FGFR2: variants seen among roughly 807,000 people sequenced by gnomAD.
FGFR2 encodes the protein fibroblast growth factor receptor 2, also known as BEK fibroblast growth factor receptor.
Under a neutral mutation model 95.9 loss-of-function variants are expected in FGFR2, and 19 were observed. The ratio of observed to expected loss-of-function variants is 0.20; its 90% CI spans 0.14 to 0.29. FGFR2 has a LOEUF of 0.29. Ranked by LOEUF, FGFR2 falls within the 10% of genes least tolerant of loss-of-function variation. The probability of loss-of-function intolerance (pLI) is 1.00; values close to 1 mark genes in which losing one functional copy is unlikely to be tolerated. For missense variants in FGFR2, 707 were observed against 1,056.9 expected, an observed-to-expected ratio of 0.67 and a Z score of 4.59; for synonymous variants, 392 against 393.3, an observed-to-expected ratio of 1.00 and a Z score of 0.04.
intron 5 of FGFR2, among the ~76,000 whole-genome samples, chr10:121,545,715 A>G (rs1175581930): frequency 1.3e-5 from 2 of 152,250 alleles, no homozygotes; most frequent in African/African-American, 4.8e-5. Context: ...ATTTCATCAA[A>G]AAGTCTTTAA....
At position 121,478,348 on chromosome 10, in the gene FGFR2, C is replaced by G; in HGVS notation, c.*1509G>C. 4.3e-6 allele frequency: 1 copy of G among 230,740 alleles called. No homozygotes were observed. Among genetic ancestry groups the G allele is most frequent in the Non-Finnish European group, 8.6e-6 (1 of 116,314 alleles). 14.3% of individuals were successfully genotyped at this position (230,740 alleles called of 1,614,324 possible). Reference sequence around the variant, plus strand: ...ACACGAGTATTAAAAAAATAAGTTGCGTGACATTTATTTTGTCTTGTTAAC... The same window carrying G: ...ACACGAGTATTAAAAAAATAAGTTGGGTGACATTTATTTTGTCTTGTTAAC... On this transcript the variant is annotated 3_prime_UTR_variant, in exon 18 of 18. Transcript: ENST00000358487.
chr10:121,587,651 AAG>A (rs1193030163), intron 2 of FGFR2, among the ~76,000 whole-genome samples: 1 of 152,174 alleles, frequency 6.6e-6, no homozygotes, highest in Non-Finnish European at 1.5e-5. Flanking sequence ...ATGAAAAAAA[AAG>A]CTCATCACTA....
chr10:121,512,518 T>A (rs1849183474), intron 9 of FGFR2, among the ~76,000 whole-genome samples: 1 of 152,162 alleles, frequency 6.6e-6, no homozygotes, highest in Non-Finnish European at 1.5e-5. Flanking sequence ...CACAAGCCAA[T>A]TACATTTTCT....
intron 9 of FGFR2, among the ~76,000 whole-genome samples, chr10:121,513,092 T>C (rs1849266799): frequency 6.6e-6 from 1 of 152,180 alleles, no homozygotes; most frequent in South Asian, 2.1e-4. Context: ...CTGGATGGTC[T>C]CGAACTCCTG....
At chr10:121,503,737 C>T (rs2134050616) in intron 10 of FGFR2, 53 bp downstream of exon 10, 1 of 1,592,902 alleles carries the variant, frequency 6.3e-7, no homozygotes, top group South Asian at 1.1e-5. Flanking sequence ...AATCCAATAT[C>T]CCCATTTATA....
chr10:121,536,742 C>T (rs1034082256), intron 6 of FGFR2, among the ~76,000 whole-genome samples: 7 of 152,160 alleles, frequency 4.6e-5, no homozygotes, highest in African/African-American at 7.2e-5. Flanking sequence ...GAGCCCAGAC[C>T]GGAGTGGCCG....
intron 4 of FGFR2, among the ~76,000 whole-genome samples, chr10:121,552,690 T>C (rs1383037897): frequency 2.6e-5 from 4 of 152,216 alleles, no homozygotes; most frequent in Non-Finnish European, 1.5e-5. Flanking sequence ...AAGGCACACG[T>C]CCTCCTTTTT....
intron 2 of FGFR2, among the ~76,000 whole-genome samples, chr10:121,588,084 C>G (rs992860771): frequency 1.3e-5 from 2 of 152,194 alleles, no homozygotes; most frequent in Non-Finnish European, 2.9e-5. Flanking sequence ...AAGATCATGT[C>G]TTTTGCAAGA....
intron 4 of FGFR2, among the ~76,000 whole-genome samples, chr10:121,556,720 C>T (rs756137027): frequency 3.3e-5 from 5 of 152,110 alleles, no homozygotes; most frequent in African/African-American, 9.7e-5. Context: ...ATGTGAGCCG[C>T]GGCCACCAAT....
intron 9 of FGFR2, among the ~76,000 whole-genome samples, chr10:121,505,206 G>A (rs532444715): frequency 5.9e-5 from 9 of 152,270 alleles, no homozygotes; most frequent in African/African-American, 1.9e-4. Flanking sequence ...TTTGAATCTC[G>A]CCTTTGTAAA....
chr10:121,519,687 G>A (rs577336570), intron 7 of FGFR2, among the ~76,000 whole-genome samples: 8 of 152,144 alleles, frequency 5.3e-5, no homozygotes, highest in Non-Finnish European at 1.0e-4. Flanking sequence ...TTATAGAGGC[G>A]CAGCTAAGCC....
intron 17 of FGFR2, among the ~76,000 whole-genome samples, chr10:121,481,397 C>G (rs201873601): frequency 4.6e-5 from 2 of 43,606 alleles, no homozygotes; most frequent in Admixed American, 2.9e-4. Context: ...AAGACACACA[C>G]ACACACACAC....
chr10:121,578,813 G>A (rs1860348202), intron 2 of FGFR2, among the ~76,000 whole-genome samples: 1 of 152,250 alleles, frequency 6.6e-6, no homozygotes, highest in South Asian at 2.1e-4. Flanking sequence ...GGGAGGCTGA[G>A]GCAAGAGAAT....
intron 6 of FGFR2, among the ~76,000 whole-genome samples, chr10:121,522,173 T>C (rs1350405658): frequency 6.6e-6 from 1 of 152,054 alleles, no homozygotes; most frequent in Non-Finnish European, 1.5e-5. Flanking sequence ...AGGCATAAAG[T>C]TTCAGTAAAG....
chr10:121,488,913 T>G (rs1246720824), intron 13 of FGFR2, among the ~76,000 whole-genome samples: 1 of 152,226 alleles, frequency 6.6e-6, no homozygotes, highest in African/African-American at 2.4e-5. Context: ...TTCTAATCTG[T>G]GTTCCACTCT....
chr10:121,553,151 C>G (rs1475154053), intron 4 of FGFR2, among the ~76,000 whole-genome samples: 1 of 152,196 alleles, frequency 6.6e-6, no homozygotes, highest in Non-Finnish European at 1.5e-5. Flanking sequence ...GTATCTTTAT[C>G]CCTGTGCTTA....
intron 16 of FGFR2, 71 bp from the exon 17 acceptor site, chr10:121,483,874 G>C: frequency 9.2e-7 from 1 of 1,089,530 alleles, no homozygotes; most frequent in Non-Finnish European, 1.4e-6. Flanking sequence ...GTTTTAATAG[G>C]CAATATGGGG....
At chr10:121,488,152 A>G (rs757978174) in intron 13 of FGFR2, 39 bp from the exon 14 acceptor site, 1 of 1,606,452 alleles carries the variant, frequency 6.2e-7, no homozygotes, top group Non-Finnish European at 8.5e-7. Flanking sequence ...AACTAATTTC[A>G]AAACACCGCC....
chr10:121,577,740 C>T (rs1281573321), intron 2 of FGFR2, among the ~76,000 whole-genome samples: 3 of 152,114 alleles, frequency 2.0e-5, no homozygotes, highest in Admixed American at 6.5e-5. Flanking sequence ...CACCTCCTCC[C>T]CGCAGATGCC....
Sources: gnomAD v4.1 joint callset for allele counts (sites outside exome capture counted in the v4.1 genomes callset) on GRCh38, gnomAD v4.1.1 for gene constraint, MANE v1.5 for transcripts, NCBI Gene and HGNC (gene_info 2026-07-23, HGNC 2026-07-21) for gene names.